Variants in LOC112694756 observed in about 807,000 individuals in gnomAD.
the LOC112694756 span, among the ~76,000 whole-genome samples, chr16:30,057,830 C>T: frequency 6.6e-6 from 1 of 151,918 alleles, no homozygotes; most frequent in Non-Finnish European, 1.5e-5. Flanking sequence ...ACTGGAAAGG[C>T]TGAGGCAGGA....
At chr16:30,069,506 C>T in the LOC112694756 span, 1 of 1,614,146 alleles carries the variant, frequency 6.2e-7, no homozygotes, top group East Asian at 2.2e-5. Flanking sequence ...CAGGTGCTGG[C>T]TGCTGTCTAC....
At chr16:30,060,902 C>T in the LOC112694756 span, among the ~76,000 whole-genome samples, 1 of 152,206 alleles carries the variant, frequency 6.6e-6, no homozygotes, top group African/African-American at 2.4e-5. Flanking sequence ...TGGCAGGTCC[C>T]CTCCCCTCAC....
the LOC112694756 span, among the ~76,000 whole-genome samples, chr16:30,057,111 T>C: frequency 2.6e-5 from 4 of 152,002 alleles, no homozygotes; most frequent in Non-Finnish European, 4.4e-5. Context: ...GGTTTCTCCA[T>C]GTTGGTCAGG....
At chr16:30,067,563 G>T in the LOC112694756 span, 1 of 1,613,980 alleles carries the variant, frequency 6.2e-7, no homozygotes, top group Non-Finnish European at 8.5e-7. Flanking sequence ...CTGCATTGGG[G>T]GTGTCATCCT....
chr16:30,067,955 A>G, the LOC112694756 span: 1 of 492,346 alleles, frequency 2.0e-6, no homozygotes, highest in Non-Finnish European at 3.7e-6. Flanking sequence ...GTTGTCAAAT[A>G]ACATCCCAGT....
At chr16:30,060,078 A>G in the LOC112694756 span, among the ~76,000 whole-genome samples, 8 of 151,428 alleles carry the variant, frequency 5.3e-5, 1 homozygote, top group South Asian at 1.7e-3. Context: ...TCCTGGGTTT[A>G]AGCAAGTCTC....
chr16:30,063,289 C>T, the LOC112694756 span, among the ~76,000 whole-genome samples: 1 of 152,150 alleles, frequency 6.6e-6, no homozygotes, highest in Non-Finnish European at 1.5e-5. Context: ...TGGTCTCATG[C>T]TGAAGAAGTC....
At chr16:30,067,977 CAG>C in the LOC112694756 span, 5 of 427,860 alleles carry the variant, frequency 1.2e-5, no homozygotes, top group East Asian at 9.4e-5. Flanking sequence ...TATCCTGTCT[CAG>C]AGGATTGTTA....
At chr16:30,067,741 T>C in the LOC112694756 span, 1 of 1,545,352 alleles carries the variant, frequency 6.5e-7, no homozygotes, top group Non-Finnish European at 8.9e-7. Context: ...AGGGAATGAA[T>C]GCTGGATTGG....
At chr16:30,067,870 CT>C in the LOC112694756 span, 1 of 645,816 alleles carries the variant, frequency 1.5e-6, no homozygotes, top group Non-Finnish European at 2.7e-6. Flanking sequence ...ATCTCAGAAG[CT>C]CAGGGAAGTG....
the LOC112694756 span, chr16:30,069,117 T>C: frequency 2.8e-6 from 4 of 1,441,894 alleles, no homozygotes; most frequent in Non-Finnish European, 3.8e-6. Context: ...TCAAGGGCTG[T>C]TGAAGGCAGA....
the LOC112694756 span, chr16:30,064,013 T>C: frequency 1.0e-5 from 4 of 398,692 alleles, 1 homozygote; most frequent in South Asian, 5.1e-4. Flanking sequence ...GGCAGGACTC[T>C]TGGCCGGCTG....
chr16:30,068,287 A>G, the LOC112694756 span: 1 of 353,662 alleles, frequency 2.8e-6, no homozygotes, highest in Non-Finnish European at 5.6e-6. Flanking sequence ...GATGGTCTCG[A>G]TCTCCTGATC....
chr16:30,064,427 C>T, the LOC112694756 span: 2 of 398,726 alleles, frequency 5.0e-6, no homozygotes, highest in East Asian at 7.1e-5. Context: ...CCCACAGGTC[C>T]CTGGCCAAAG....
the LOC112694756 span, chr16:30,063,938 G>T: frequency 2.0e-5 from 8 of 398,952 alleles, no homozygotes; most frequent in East Asian, 2.5e-4. Flanking sequence ...TGGAACCACA[G>T]ATGGCCTGCC....
chr16:30,067,688 G>A, the LOC112694756 span: 1 of 1,613,370 alleles, frequency 6.2e-7, no homozygotes, highest in East Asian at 2.2e-5. Flanking sequence ...CGGACGTGAG[G>A]TTTGAGATGG....
the LOC112694756 span, chr16:30,067,910 G>GC: frequency 1.8e-6 from 1 of 559,126 alleles, no homozygotes; most frequent in East Asian, 3.1e-5. Flanking sequence ...AAGTGGCAGA[G>GC]CCCCAGTCTG....
chr16:30,065,141 G>A, the LOC112694756 span, among the ~76,000 whole-genome samples: 4 of 152,224 alleles, frequency 2.6e-5, no homozygotes, highest in African/African-American at 9.6e-5. Context: ...ACTCGGATGG[G>A]GAGGTCTCGC....
chr16:30,057,555 C>A, the LOC112694756 span, among the ~76,000 whole-genome samples: 3 of 152,286 alleles, frequency 2.0e-5, no homozygotes, highest in Admixed American at 6.5e-5. Flanking sequence ...TGGTGACATT[C>A]CTTCCCTAGG....
Sources: allele counts gnomAD v4.1 joint callset (sites outside exome capture counted in the v4.1 genomes callset), GRCh38; gene constraint gnomAD v4.1.1; transcripts MANE v1.5.